Variants in BRINP1 observed in about 807,000 individuals in gnomAD.
BRINP1 encodes the protein BMP/retinoic acid inducible neural specific 1.
A neutral mutation model predicts 72.9 loss-of-function variants in BRINP1; 17 were observed. That is an observed-to-expected ratio of 0.23 (90% CI 0.16 to 0.35). The LOEUF is 0.35. BRINP1 is among the 10% of genes least tolerant of loss of function. The pLI is 1.00. For synonymous variants in BRINP1, 418 were observed against 378.5 expected, an observed-to-expected ratio of 1.10 and a Z score of -1.21; for missense variants, 850 against 1,001.6, an observed-to-expected ratio of 0.85 and a Z score of 2.04.
At chr9:119,175,204 C>G (rs1829471691) in intron 7 of BRINP1, among the ~76,000 whole-genome samples, 1 of 150,910 alleles carries the variant, frequency 6.6e-6, no homozygotes, top group African/African-American at 2.4e-5. Flanking sequence ...AGGATGAGTT[C>G]ATGTCCTTTG....
chr9:119,334,769 T>G (rs1356309480), intron 1 of BRINP1, among the ~76,000 whole-genome samples: 1 of 151,058 alleles, frequency 6.6e-6, no homozygotes, highest in African/African-American at 2.4e-5. Context: ...AAACTTGCAC[T>G]TTATGGAGGG....
At chr9:119,169,422 C>G (rs185915380) in intron 7 of BRINP1, among the ~76,000 whole-genome samples, 1 of 152,148 alleles carries the variant, frequency 6.6e-6, no homozygotes, top group Admixed American at 6.5e-5. Flanking sequence ...GCTTTTCCGG[C>G]GGGCTTAAAA....
chr9:119,218,863 G>C (rs918905846), intron 5 of BRINP1, among the ~76,000 whole-genome samples: 1 of 151,300 alleles, frequency 6.6e-6, no homozygotes, highest in Non-Finnish European at 1.5e-5. Context: ...GCATGTTTGC[G>C]CTCCCTGTCC....
chr9:119,279,540 G>A (rs1830687939), intron 2 of BRINP1, among the ~76,000 whole-genome samples: 1 of 152,160 alleles, frequency 6.6e-6, no homozygotes, highest in Admixed American at 6.5e-5. Context: ...AAAATAATAG[G>A]TGCTTCAAAC....
intron 2 of BRINP1, among the ~76,000 whole-genome samples, chr9:119,278,164 A>C (rs967504837): frequency 6.6e-6 from 1 of 152,014 alleles, no homozygotes; most frequent in African/African-American, 2.4e-5. Context: ...TTCTGTGTTT[A>C]CAACTCAATA....
chr9:119,350,532 G>T (rs1162034534), intron 1 of BRINP1, among the ~76,000 whole-genome samples: 1 of 151,972 alleles, frequency 6.6e-6, no homozygotes, highest in African/African-American at 2.4e-5. Flanking sequence ...GATGACTCAG[G>T]TATCAGCTGG....
At chr9:119,220,698 G>C (rs1230436930) in intron 5 of BRINP1, among the ~76,000 whole-genome samples, 1 of 152,168 alleles carries the variant, frequency 6.6e-6, no homozygotes, top group African/African-American at 2.4e-5. Flanking sequence ...CTGGCACATA[G>C]TAGGTTTTTA....
intron 1 of BRINP1, among the ~76,000 whole-genome samples, chr9:119,362,801 A>G (rs997163637): frequency 2.0e-5 from 3 of 152,226 alleles, no homozygotes; most frequent in Non-Finnish European, 4.4e-5. Flanking sequence ...AAACTTGTAG[A>G]AATTACTGAT....
At chr9:119,361,620 CTTTTTTTTG>C (rs1831631725) in intron 1 of BRINP1, among the ~76,000 whole-genome samples, 2 of 140,236 alleles carry the variant, frequency 1.4e-5, no homozygotes, top group African/African-American at 5.5e-5. Flanking sequence ...TCTTCTTCTT[CTTTTTTTTG>C]TTTTTTTTTC....
intron 7 of BRINP1, among the ~76,000 whole-genome samples, chr9:119,185,003 T>C (rs776386214): frequency 2.0e-5 from 3 of 152,122 alleles, no homozygotes; most frequent in Non-Finnish European, 4.4e-5. Context: ...AATATCACTG[T>C]GGTCTACCAA....
chr9:119,344,258 G>A (rs1165828496), intron 1 of BRINP1, among the ~76,000 whole-genome samples: 1 of 152,116 alleles, frequency 6.6e-6, no homozygotes, highest in East Asian at 1.9e-4. Context: ...CATATAAAAT[G>A]TTTTATTGCA....
chr9:119,241,475 G>A (rs747915424), intron 4 of BRINP1, among the ~76,000 whole-genome samples: 1 of 152,132 alleles, frequency 6.6e-6, no homozygotes, highest in African/African-American at 2.4e-5. Flanking sequence ...AATAATTATT[G>A]TTTGGTCTTG....
intron 2 of BRINP1, among the ~76,000 whole-genome samples, chr9:119,283,879 A>G (rs1830735732): frequency 2.0e-5 from 3 of 152,192 alleles, no homozygotes; most frequent in African/African-American, 7.2e-5. Context: ...ACCTGATGCT[A>G]TCATTCCTCC....
chr9:119,290,614 A>G (rs1830811611), intron 2 of BRINP1, among the ~76,000 whole-genome samples: 1 of 152,188 alleles, frequency 6.6e-6, no homozygotes, highest in Non-Finnish European at 1.5e-5. Flanking sequence ...AAAACTGAAT[A>G]TGGATATTTG....
chr9:119,353,132 C>T (rs1441268814), intron 1 of BRINP1, among the ~76,000 whole-genome samples: 1 of 152,160 alleles, frequency 6.6e-6, no homozygotes, highest in Non-Finnish European at 1.5e-5. Flanking sequence ...ATTTCGGTAC[C>T]ACCGAGGCAA....
intron 1 of BRINP1, among the ~76,000 whole-genome samples, chr9:119,317,682 G>T (rs1263704602): frequency 6.6e-6 from 1 of 152,188 alleles, no homozygotes; most frequent in African/African-American, 2.4e-5. Flanking sequence ...TTTCATGAAA[G>T]AAAGAGTCAA....
chr9:119,190,622 A>G (rs1437789733), intron 7 of BRINP1, among the ~76,000 whole-genome samples: 2 of 152,012 alleles, frequency 1.3e-5, no homozygotes, highest in African/African-American at 2.4e-5. Context: ...AAACCTGAAC[A>G]GACCACTAAC....
intron 2 of BRINP1, among the ~76,000 whole-genome samples, chr9:119,285,957 G>T (rs535155160): frequency 2.6e-5 from 4 of 152,074 alleles, no homozygotes; most frequent in Non-Finnish European, 4.4e-5. Context: ...ACATCCCCGG[G>T]CAAACAGCTG....
At chr9:119,365,028 T>A (rs992741417) in intron 1 of BRINP1, among the ~76,000 whole-genome samples, 1 of 152,212 alleles carries the variant, frequency 6.6e-6, no homozygotes, top group Non-Finnish European at 1.5e-5. Context: ...TCTGTGTCAG[T>A]CCCTGGAATA....
Sources: gnomAD v4.1 joint callset for allele counts (sites outside exome capture counted in the v4.1 genomes callset) on GRCh38, gnomAD v4.1.1 for gene constraint, MANE v1.5 for transcripts, NCBI Gene and HGNC (gene_info 2026-07-23, HGNC 2026-07-21) for gene names.